The following MARF1 variants were observed in gnomAD, a reference collection of about 807,000 sequenced individuals.
MARF1 encodes the protein limkain-b1.
In MARF1, 24 loss-of-function variants were observed where a neutral mutation model predicts 168.2. The ratio of observed to expected loss-of-function variants is 0.14; its 90% CI spans 0.10 to 0.20. The LOEUF (loss-of-function observed/expected upper bound fraction) is 0.20. Among genes scored for constraint, MARF1 ranks in the 10% least tolerant of loss-of-function variants. The probability of loss-of-function intolerance (pLI) is 1.00; values close to 1 mark genes in which losing one functional copy is unlikely to be tolerated. For synonymous variants in MARF1, 868 were observed against 822.4 expected (o/e 1.06, Z -0.95); for missense variants, 1,744 against 2,143.6 (o/e 0.81, Z 3.68).
rs202179349 is a variant in MARF1, at chr16:15,612,734, C to T, written c.3297G>A (p.Gln1099=). Reference sequence around the variant, plus strand: ...TCACTTCTCTACTGAACTGGATCAGCTGGGGGTTACCTACAGGACTCTTCG... The same window carrying T: ...TCACTTCTCTACTGAACTGGATCAGTTGGGGGTTACCTACAGGACTCTTCG... ...LRSKSPVGNP[Q]LIQFSREVID... The change falls in exon 17 of 27, where the codon CAG becomes CAA. Residue 1099 remains glutamine (Q), a synonymous_variant. Coordinates refer to ENST00000396368, the MANE Select transcript of MARF1 (RefSeq NM_014647.4). 13 of 1,614,134 alleles carry T rather than the reference C, an allele frequency of 8.1e-6. No individual in the cohort carries two copies. The African/African-American group carries it at 1.5e-4, about 18-fold the overall frequency.
At chr16:15,624,392 T>G (rs2034686753) in intron 10 of MARF1, among the ~76,000 whole-genome samples, 1 of 152,156 alleles carries the variant, frequency 6.6e-6, no homozygotes, top group Admixed American at 6.5e-5. Flanking sequence ...ACAGAAAACT[T>G]TACTTCCAAA....
rs200570521 is a variant in MARF1, at chr16:15,602,147, A to G, written c.4470T>C (p.Phe1490=). Residue 1490 remains phenylalanine, a synonymous_variant, in exon 23 of 27, where the codon TTT becomes TTC. Transcript: ENST00000396368. ...GAAGTAAAGACCGCACATTCTTTGC[A>G]AACAAATACAGACTTGTGAGCTTCA... The part of the protein sequence containing the change: ...ECVKLTSLYL[F]AKNVRSLLHT... The G allele has an allele frequency of 7.6e-5, 123 of 1,614,262 alleles. No individual in the cohort carries two copies. In the East Asian group the frequency reaches 2.7e-3, roughly 36 times the overall value.
At chr16:15,625,231 C>G in intron 8 of MARF1, 58 bp from the exon 9 acceptor site, 1 of 1,586,260 alleles carries the variant, frequency 6.3e-7, no homozygotes, top group South Asian at 1.1e-5. Flanking sequence ...TGTGTTAGAT[C>G]CTTTACAGAA....
At chr16:15,639,646 C>G (rs1228952687) in intron 1 of MARF1, among the ~76,000 whole-genome samples, 2 of 152,196 alleles carry the variant, frequency 1.3e-5, no homozygotes, top group African/African-American at 4.8e-5. Flanking sequence ...AGTGATCCAC[C>G]CTCCTCGGCC....
intron 6 of MARF1, 35 bp from the exon 7 acceptor site, chr16:15,630,539 A>T (rs773525358): frequency 6.4e-7 from 1 of 1,564,034 alleles, no homozygotes; most frequent in Non-Finnish European, 8.7e-7. Context: ...CCCATCCCCA[A>T]ACATTAGAAA....
Position 15,617,339 on chromosome 16 carries a change from C to T in MARF1, c.2917G>A (p.Glu973Lys), listed in dbSNP as rs781026303. The change falls in exon 14 of 27, where the codon GAG becomes AAG. Residue 973 changes from glutamate to lysine, a missense_variant. By Grantham distance (56) the Glu-to-Lys change is moderately conservative. Transcript: ENST00000396368. ...GAACAATGCTGTCTGCAGACAGGCTCGTGATATTCTAACTCTTCAAATATA... is the reference window on the plus strand; with the variant it reads ...GAACAATGCTGTCTGCAGACAGGCTTGTGATATTCTAACTCTTCAAATATA... The part of the protein sequence containing the change: ...PIIFEELEYH[E>K]PVCRQHCSNK... 9 of 1,613,944 alleles carry T rather than the reference C, an allele frequency of 5.6e-6. No individual in the cohort carries two copies. In the East Asian group the frequency reaches 8.9e-5, roughly 16 times the overall value.
rs1344782489 is a variant in MARF1 at position 15,595,204 on chromosome 16, A to G, written c.*1489T>C. 6.6e-6 allele frequency: 1 copy of G among 152,580 alleles called. No individual in the cohort carries two copies. Among genetic ancestry groups the G allele is most frequent in the African/African-American group, 2.4e-5 (1 of 41,416 alleles). 9.5% of individuals were successfully genotyped at this position (152,580 alleles called of 1,614,324 possible). The stretch of plus-strand genomic sequence containing the variant: ...ATGGTGTTCTGTCTTGACTGGGGCC[A>G]TGTGTTGAGAACTGGGAGTCACTGG... On this transcript the variant is annotated 3_prime_UTR_variant, in exon 27 of 27. Transcript: ENST00000396368.
At chr16:15,634,728 T>C in intron 4 of MARF1, 29 bp downstream of exon 4, 1 of 1,596,642 alleles carries the variant, frequency 6.3e-7, no homozygotes, top group East Asian at 2.2e-5. Flanking sequence ...TATTTAAATA[T>C]GCACATTTTA....
chr16:15,636,251 G>A lies in MARF1; in HGVS notation c.236C>T (p.Pro79Leu), dbSNP rs756778698. 1.2e-6 allele frequency: 2 copies of A among 1,613,964 alleles called. No individual in the cohort carries two copies. The highest frequency in any genetic ancestry group is 2.7e-5 in the African/African-American group (2 of 74,922). Residue 79 changes from proline (P) to leucine (L), a missense_variant, in exon 3 of 27, where the codon CCA becomes CTA. Around this residue, in one of 7 missense-constraint regions of MARF1, gnomAD observed 318 missense variants for 336.6 expected, o/e 0.94. Transcript: ENST00000396368. The stretch of plus-strand genomic sequence containing the variant: ...CTGAAGAGAACGAATATCAGGAAGT[G>A]GGACTGCTGGAAAAAGCTTAGAGCC... Reference protein sequence around the residue: ...HAGSKLFPAVPLPDIRSLQQP... With the variant: ...HAGSKLFPAVLLPDIRSLQQP...
chr16:15,624,984 A>C (rs772360688), intron 9 of MARF1, 32 bp downstream of exon 9: 6 of 1,613,446 alleles, frequency 3.7e-6, no homozygotes, highest in East Asian at 2.2e-5. Flanking sequence ...CACATTCAAG[A>C]AGCAGCTATG....
chr16:15,610,649 A>T (rs542880984), intron 19 of MARF1: 62 of 225,182 alleles, frequency 2.8e-4, no homozygotes, highest in Non-Finnish European at 5.1e-4. Flanking sequence ...GAGCAAAGCC[A>T]ACAGGCACGG....
intron 1 of MARF1, 123 bp from the exon 2 acceptor site, chr16:15,639,414 G>T: frequency 3.0e-6 from 2 of 673,218 alleles, no homozygotes; most frequent in Non-Finnish European, 4.8e-6. Flanking sequence ...TCAAATCTTT[G>T]TTTCAAGAGG....
In MARF1 at chr16:15,608,512, C is replaced by T. The variant is rs1277710436; in HGVS notation, c.3961G>A (p.Glu1321Lys). The T allele has an allele frequency of 6.2e-7, 1 of 1,612,506 alleles. No individual in the cohort carries two copies. Among genetic ancestry groups the T allele is most frequent in the Admixed American group, 1.7e-5 (1 of 59,954 alleles). ...GTAAGGATCTTTTCTTCTCCACATT[C>T]CAATACCTTTGAAAACACACGGGGG... is the stretch of plus-strand genomic sequence containing the variant. ...EAIPDTLQVL[E>K]CGEEKILTLT... is the part of the protein sequence containing the mutation. Residue 1321 changes from glutamate to lysine, a missense_variant, in exon 21 of 27, where the codon GAA becomes AAA. Coordinates refer to ENST00000396368, the MANE Select transcript of MARF1 (RefSeq NM_014647.4).
At position 15,633,614 on chromosome 16, in the gene MARF1, TACC is replaced by T; in HGVS notation, c.1233_1233+2del. On this transcript the variant is annotated splice_donor_variant and coding_sequence_variant, in exon 5 of 27. Transcript: ENST00000396368. LOFTEE classifies it high-confidence loss of function. ...TTAAAATTATTAAATTTTTTTTTTT[TACC>T]TGGCAATTATTCAGCTCTTGAATAA... is the stretch of plus-strand genomic sequence containing the variant. 1 of 1,492,516 alleles carries T rather than the reference TACC, an allele frequency of 6.7e-7. No individual in the cohort carries two copies. The allele number at this position is 1,492,516 out of a possible 1,614,324, so 92.5% of individuals were successfully genotyped here. A position where few individuals can be genotyped will look rare whatever the true frequency, so the allele number is the denominator to read the frequency against.
intron 7 of MARF1, among the ~76,000 whole-genome samples, chr16:15,627,779 G>A (rs907725285): frequency 3.4e-4 from 52 of 152,214 alleles, no homozygotes; most frequent in African/African-American, 1.1e-3. Context: ...AGCAAACAAC[G>A]ATAATCATAA....
Position 15,599,168 on chromosome 16 carries a change from A to C in MARF1, c.4814-144T>G, listed in dbSNP as rs527678558. ...ATTTAAGGTATTAAAAAAAAAAAAA[A>C]AAAAAAACAAAAACCCAAAACCCAC... On this transcript the variant is annotated intron_variant, in intron 25 of 26. Coordinates refer to ENST00000396368, the MANE Select transcript of MARF1 (RefSeq NM_014647.4). The C allele has an allele frequency of 2.8e-3, 2,175 of 788,966 alleles. 47 individuals carry two copies. In the Admixed American group the frequency reaches 0.053, roughly 19 times the overall value. The allele number at this position is 788,966 out of a possible 1,614,324, so 48.9% of individuals were successfully genotyped here. A position where few individuals can be genotyped will look rare whatever the true frequency, so the allele number is the denominator to read the frequency against.
At chr16:15,621,445 A>C in intron 12 of MARF1, 1 of 393,354 alleles carries the variant, frequency 2.5e-6, no homozygotes, top group Non-Finnish European at 4.5e-6. Flanking sequence ...TTTCAGGCTT[A>C]TAAACTTTTA....
rs1164815508 is a variant in MARF1 at position 15,625,002 on chromosome 16, G to C, written c.2111+14C>G. Reference sequence around the variant, plus strand: ...ATTCAAGAAGCAGCTATGAGAAAGAGTAGTTTCACATACTTCTGACTGGTT... The same window carrying C: ...ATTCAAGAAGCAGCTATGAGAAAGACTAGTTTCACATACTTCTGACTGGTT... On this transcript the variant is annotated intron_variant, in intron 9 of 26. Transcript: ENST00000396368. The C allele has an allele frequency of 3.1e-6, 5 of 1,613,914 alleles. No individual in the cohort carries two copies. Among genetic ancestry groups the C allele is most frequent in the African/African-American group, 1.3e-5 (1 of 74,932 alleles).
intron 17 of MARF1, 96 bp from the exon 18 acceptor site, chr16:15,611,830 G>T: frequency 3.0e-6 from 3 of 999,180 alleles, no homozygotes; most frequent in South Asian, 1.6e-5. Flanking sequence ...CTCAGAGCAT[G>T]ACTCCCTTTA....
Sources: gnomAD v4.1 joint callset for allele counts (sites outside exome capture counted in the v4.1 genomes callset) on GRCh38, gnomAD v4.1.1 for gene constraint, gnomAD v4.1.1 regional missense constraint, MANE v1.5 for transcripts, NCBI Gene and HGNC (gene_info 2026-07-23, HGNC 2026-07-21) for gene names.